The following EYS variants were observed in gnomAD, a reference collection of about 807,000 sequenced individuals.
The protein encoded by EYS is protein eyes shut homolog.
In EYS, 250 loss-of-function variants were observed where a neutral mutation model predicts 282.1. That is an observed-to-expected ratio of 0.89 (90% confidence interval 0.80 to 0.98). EYS has a LOEUF of 0.98. EYS is among the 50% of genes least tolerant of loss of function. EYS has a pLI of 0.00. For synonymous variants in EYS, 1,355 were observed against 1,282.9 expected, an observed-to-expected ratio of 1.06 and a Z score of -1.20; for missense variants, 4,016 against 3,709.0, an observed-to-expected ratio of 1.08 and a Z score of -2.15.
At chr6:63,912,992 A>G (rs1764308857) in intron 35 of EYS, among the ~76,000 whole-genome samples, 1 of 152,170 alleles carries the variant, frequency 6.6e-6, no homozygotes, top group South Asian at 2.1e-4. Flanking sequence ...GTTAGCAGAT[A>G]CTGTGTTAGA....
In EYS at chr6:65,171,648, C is replaced by A. The variant is rs1318136296; in HGVS notation, c.2024-113921G>T. On this transcript the variant is annotated intron_variant, in intron 12 of 42. Coordinates refer to ENST00000503581, the MANE Select transcript of EYS (RefSeq NM_001142800.2). ...ACAGTTCACACCAAGAAAAAACAATCAAAACTCTGCCACCCACCCTACCAA... is the reference window on the plus strand; with the variant it reads ...ACAGTTCACACCAAGAAAAAACAATAAAAACTCTGCCACCCACCCTACCAA... Among the ~76,000 whole-genome samples, 4 of 151,370 alleles carry A rather than the reference C, an allele frequency of 2.6e-5. No individual in the cohort carries two copies. In the East Asian group the frequency reaches 7.8e-4, roughly 30 times the overall value.
chr6:65,370,589 A>G (rs1385299881), intron 8 of EYS, among the ~76,000 whole-genome samples: 1 of 151,760 alleles, frequency 6.6e-6, no homozygotes, highest in Non-Finnish European at 1.5e-5. Flanking sequence ...ACATAAAACC[A>G]TAATGCAAAT....
chr6:64,478,101 T>C (rs1776329081), intron 26 of EYS, among the ~76,000 whole-genome samples: 1 of 152,178 alleles, frequency 6.6e-6, no homozygotes, highest in African/African-American at 2.4e-5. Context: ...GTCCTTAATA[T>C]ACTGAGTTTT....
rs184604754 is a variant in EYS at position 64,986,616 on chromosome 6, G to C, written c.2259+10966C>G. Among the ~76,000 whole-genome samples, 639 of 150,788 alleles carry C rather than the reference G, an allele frequency of 4.2e-3. 6 individuals are homozygous for C. The highest frequency in any genetic ancestry group is 0.015 in the African/African-American group (605 of 41,248). On this transcript the variant is annotated intron_variant, in intron 14 of 42. Transcript: ENST00000503581. ...TTTTACTTTTTGTTTCTATGTATTA[G>C]GTTCTTCATTCATCCAATTGTCTCC... is the stretch of plus-strand genomic sequence containing the variant.
intron 22 of EYS, among the ~76,000 whole-genome samples, chr6:64,781,238 A>C (rs1056711765): frequency 9.2e-5 from 14 of 151,750 alleles, no homozygotes; most frequent in Admixed American, 4.6e-4. Flanking sequence ...CAAATATCGC[A>C]TGTGTCTTTC....
At chr6:64,817,332 C>A (rs1764766782) in intron 21 of EYS, among the ~76,000 whole-genome samples, 1 of 152,038 alleles carries the variant, frequency 6.6e-6, no homozygotes, top group South Asian at 2.1e-4. Flanking sequence ...AAATAATTTT[C>A]TGAATGCCAG....
At chr6:64,340,964 T>G (rs182184433) in intron 29 of EYS, among the ~76,000 whole-genome samples, 2 of 151,770 alleles carry the variant, frequency 1.3e-5, no homozygotes, top group Admixed American at 6.6e-5. Flanking sequence ...TCTGAAAAAA[T>G]GCTCATTGTC....
chr6:64,935,311 T>C (rs1768871273), intron 15 of EYS, among the ~76,000 whole-genome samples: 1 of 151,686 alleles, frequency 6.6e-6, no homozygotes, highest in African/African-American at 2.4e-5. Context: ...GTAATTACAG[T>C]AAGTGCAAAT....
intron 10 of EYS, among the ~76,000 whole-genome samples, chr6:65,341,244 C>G (rs551068104): frequency 6.6e-6 from 1 of 151,216 alleles, no homozygotes; most frequent in East Asian, 2.0e-4. Context: ...TCTAAACAGT[C>G]TTAGTTGATT....
At chr6:65,279,167 C>A (rs569164840) in intron 12 of EYS, among the ~76,000 whole-genome samples, 1 of 151,562 alleles carries the variant, frequency 6.6e-6, no homozygotes, top group African/African-American at 2.4e-5. Context: ...TCACCCTGGG[C>A]GACAGAGTGA....
intron 16 of EYS, among the ~76,000 whole-genome samples, chr6:64,909,605 A>G (rs940803834): frequency 6.6e-6 from 1 of 152,070 alleles, no homozygotes; most frequent in Non-Finnish European, 1.5e-5. Flanking sequence ...TTCATTATTC[A>G]TAGAGACCCA....
At chr6:63,738,361 G>T (rs1466542477) in intron 41 of EYS, among the ~76,000 whole-genome samples, 1 of 151,976 alleles carries the variant, frequency 6.6e-6, no homozygotes, top group African/African-American at 2.4e-5. Flanking sequence ...TGATAGACTG[G>T]ATTAAGAAAA....
intron 26 of EYS, among the ~76,000 whole-genome samples, chr6:64,547,574 A>C (rs950824934): frequency 2.6e-5 from 4 of 152,224 alleles, no homozygotes; most frequent in Non-Finnish European, 5.9e-5. Flanking sequence ...AGCTAGATAC[A>C]GAGTGCCAAT....
intron 36 of EYS, among the ~76,000 whole-genome samples, chr6:63,824,474 A>T (rs984381250): frequency 1.3e-5 from 2 of 152,244 alleles, no homozygotes; most frequent in African/African-American, 4.8e-5. Context: ...ATTAAATGTT[A>T]CTGCAAGAAC....
intron 34 of EYS, among the ~76,000 whole-genome samples, chr6:63,996,933 A>G (rs1767863482): frequency 1.3e-5 from 2 of 152,138 alleles, no homozygotes; most frequent in South Asian, 2.1e-4. Context: ...TCCAACCTAG[A>G]ATATCACATT....
intron 39 of EYS, among the ~76,000 whole-genome samples, chr6:63,779,757 T>G (rs1770163335): frequency 6.6e-6 from 1 of 151,388 alleles, no homozygotes; most frequent in Non-Finnish European, 1.5e-5. Context: ...CTTTTTTTTG[T>G]CATTGTTATA....
chr6:64,191,124 T>C (rs1472087773), intron 31 of EYS, among the ~76,000 whole-genome samples: 1 of 152,120 alleles, frequency 6.6e-6, no homozygotes, highest in East Asian at 1.9e-4. Context: ...CTTTGGTATA[T>C]ATATCTTCTT....
intron 33 of EYS, among the ~76,000 whole-genome samples, chr6:64,029,576 G>T (rs1769717779): frequency 6.6e-6 from 1 of 152,214 alleles, no homozygotes; most frequent in South Asian, 2.1e-4. Context: ...AACCAATCGA[G>T]CATGACTGCC....
chr6:65,581,966 G>A (rs1054679697), intron 2 of EYS, among the ~76,000 whole-genome samples: 4 of 151,580 alleles, frequency 2.6e-5, no homozygotes, highest in Non-Finnish European at 5.9e-5. Context: ...GAGGCCAGCA[G>A]ATCATGAGGT....
Sources: gnomAD v4.1 joint callset for allele counts (sites outside exome capture counted in the v4.1 genomes callset) on GRCh38, gnomAD v4.1.1 for gene constraint, MANE v1.5 for transcripts, NCBI Gene and HGNC (gene_info 2026-07-23, HGNC 2026-07-21) for gene names.